The following CPNE8 variants were observed in gnomAD, a reference collection of about 807,000 sequenced individuals.
CPNE8 encodes the protein copine 8, also known as copine-8.
In CPNE8, 45 loss-of-function variants were observed where a neutral mutation model predicts 81.5. That is an observed-to-expected ratio of 0.55 (90% CI 0.44 to 0.71). The LOEUF is 0.71. Among genes scored for constraint, CPNE8 ranks in the 30% least tolerant of loss-of-function variants. CPNE8 has a pLI of 0.00. For synonymous variants in CPNE8, 252 were observed against 226.3 expected, an observed-to-expected ratio of 1.11 and a Z score of -1.02; for missense variants, 594 against 672.1, an observed-to-expected ratio of 0.88 and a Z score of 1.28.
intron 13 of CPNE8, among the ~76,000 whole-genome samples, chr12:38,714,736 T>A (rs954394828): frequency 6.6e-6 from 1 of 152,076 alleles, no homozygotes; most frequent in African/African-American, 2.4e-5. Context: ...GCTCACTGTG[T>A]ACCTGAATCC....
At chr12:38,723,892 CTAATTA>C in intron 12 of CPNE8, 59 bp from the exon 13 acceptor site, 1 of 919,212 alleles carries the variant, frequency 1.1e-6, no homozygotes, top group Non-Finnish European at 1.7e-6. Flanking sequence ...ATAGACCTTT[CTAATTA>C]TTAGAGAGAA....
chr12:38,765,424 C>A (rs1941667527), intron 8 of CPNE8, among the ~76,000 whole-genome samples: 1 of 151,952 alleles, frequency 6.6e-6, no homozygotes, highest in Non-Finnish European at 1.5e-5. Flanking sequence ...AAATAAATGT[C>A]AAAGCAAGAA....
intron 5 of CPNE8, among the ~76,000 whole-genome samples, chr12:38,839,661 T>A (rs1943437757): frequency 6.6e-6 from 1 of 152,168 alleles, no homozygotes; most frequent in African/African-American, 2.4e-5. Flanking sequence ...CACTGGGAAC[T>A]GTAATCATCA....
intron 13 of CPNE8, among the ~76,000 whole-genome samples, chr12:38,704,662 C>T (rs573125585): frequency 6.6e-6 from 1 of 151,684 alleles, no homozygotes; most frequent in African/African-American, 2.4e-5. Context: ...GTTGTTTACC[C>T]AGTGATCCTG....
intron 6 of CPNE8, among the ~76,000 whole-genome samples, chr12:38,828,642 A>G (rs1943237233): frequency 6.6e-6 from 1 of 152,148 alleles, no homozygotes; most frequent in African/African-American, 2.4e-5. Flanking sequence ...GAAGATAAAG[A>G]CTTCAAAATT....
chr12:38,716,695 T>C (rs1940401614), intron 13 of CPNE8, among the ~76,000 whole-genome samples: 1 of 151,836 alleles, frequency 6.6e-6, no homozygotes. Flanking sequence ...TTCCAGAAGA[T>C]AACATCAGAA....
intron 16 of CPNE8, among the ~76,000 whole-genome samples, chr12:38,678,374 T>G (rs1313652265): frequency 1.3e-5 from 2 of 152,002 alleles, no homozygotes. Flanking sequence ...TTTTCTACAT[T>G]CTAGATATCT....
rs1939273122 is a variant in CPNE8 at position 38,675,738 on chromosome 12, C to A, written c.1411G>T (p.Val471Phe). 1.9e-6 allele frequency: 3 copies of A among 1,604,664 alleles called. No homozygotes were observed. The highest frequency in any genetic ancestry group is 1.7e-4 in the Middle Eastern group (1 of 6,036). The change falls in exon 18 of 20, where the codon GTT becomes TTT. Residue 471 changes from valine to phenylalanine, a missense_variant. Transcript: ENST00000331366. ...TCACCATCAAATTCTGCTGGTCCAA[C>A]ACCTACTATAATTATTGACATTGGA... ...KLPMSIIIVG[V>F]GPAEFDAMVE...
At chr12:38,660,840 A>T (rs1454591433) in intron 19 of CPNE8, among the ~76,000 whole-genome samples, 1 of 152,226 alleles carries the variant, frequency 6.6e-6, no homozygotes, top group Non-Finnish European at 1.5e-5. Flanking sequence ...TTATGCAGCC[A>T]ACAGACATAT....
At chr12:38,836,319 G>A (rs111244700) in intron 5 of CPNE8, among the ~76,000 whole-genome samples, 204 of 152,092 alleles carry the variant, frequency 1.3e-3, no homozygotes, top group Non-Finnish European at 2.2e-3. Flanking sequence ...ACTAAAACAC[G>A]TTTCCACCAC....
chr12:38,713,145 T>C (rs1592030218), intron 13 of CPNE8, among the ~76,000 whole-genome samples: 1 of 152,196 alleles, frequency 6.6e-6, no homozygotes, highest in Non-Finnish European at 1.5e-5. Context: ...AGAACCCAAA[T>C]TCTTTGCCAC....
At chr12:38,873,117 A>T in intron 2 of CPNE8, 67 bp from the exon 3 acceptor site, 2 of 972,584 alleles carry the variant, frequency 2.1e-6, no homozygotes, top group Non-Finnish European at 3.1e-6. Context: ...AATGTATACA[A>T]TTTATTTTTC....
intron 13 of CPNE8, among the ~76,000 whole-genome samples, chr12:38,706,050 C>A (rs1220389763): frequency 2.0e-5 from 3 of 152,040 alleles, no homozygotes; most frequent in Non-Finnish European, 4.4e-5. Context: ...AGAAGGAAAT[C>A]TATGCTCACA....
chr12:38,841,680 A>C (rs1943469955), intron 4 of CPNE8, among the ~76,000 whole-genome samples: 7 of 152,322 alleles, frequency 4.6e-5, no homozygotes, highest in Admixed American at 4.6e-4. Flanking sequence ...AAAGTGATTC[A>C]GCAATAAGTA....
intron 6 of CPNE8, among the ~76,000 whole-genome samples, chr12:38,779,477 A>T (rs1176258890): frequency 6.6e-6 from 1 of 152,184 alleles, no homozygotes; most frequent in African/African-American, 2.4e-5. Context: ...TAAAAAATAA[A>T]TCGCTGCCTT....
intron 6 of CPNE8, among the ~76,000 whole-genome samples, chr12:38,799,416 G>A (rs914933651): frequency 1.3e-5 from 2 of 152,036 alleles, no homozygotes; most frequent in African/African-American, 2.4e-5. Flanking sequence ...TCAACTACAT[G>A]GAAACTGAAC....
At chr12:38,696,629 A>G (rs970452889) in intron 14 of CPNE8, among the ~76,000 whole-genome samples, 2 of 152,240 alleles carry the variant, frequency 1.3e-5, no homozygotes, top group African/African-American at 4.8e-5. Flanking sequence ...CAATATTATC[A>G]AAATTATATC....
intron 6 of CPNE8, among the ~76,000 whole-genome samples, chr12:38,795,227 G>A (rs974470492): frequency 1.3e-5 from 2 of 152,094 alleles, no homozygotes; most frequent in East Asian, 1.9e-4. Context: ...TGAATGGGTA[G>A]GTCAATTCTC....
chr12:38,764,096 T>C (rs1022104842), intron 8 of CPNE8, among the ~76,000 whole-genome samples: 4 of 151,926 alleles, frequency 2.6e-5, no homozygotes, highest in African/African-American at 9.7e-5. Flanking sequence ...CCCAGGAAAA[T>C]GTATCTATGG....
Sources: allele counts gnomAD v4.1 joint callset (sites outside exome capture counted in the v4.1 genomes callset), GRCh38; gene constraint gnomAD v4.1.1; transcripts MANE v1.5; gene names NCBI Gene and HGNC (gene_info 2026-07-23, HGNC 2026-07-21).